Variants in PKHD1 observed in about 807,000 individuals in gnomAD.
The protein encoded by PKHD1 is fibrocystin.
PKHD1 carries 291 observed loss-of-function variants against 412.0 expected under a neutral mutation model. That is an observed-to-expected ratio of 0.71 (90% confidence interval 0.64 to 0.78). PKHD1 has a LOEUF of 0.78. Among genes scored for constraint, PKHD1 ranks in the 30% least tolerant of loss-of-function variants. The pLI is 0.00. For missense variants in PKHD1, 4,825 were observed against 4,950.7 expected, an observed-to-expected ratio of 0.97 and a Z score of 0.76; for synonymous variants, 1,777 against 1,821.5, an observed-to-expected ratio of 0.98 and a Z score of 0.62.
chr6:51,881,080 T>C (rs1165660905), intron 46 of PKHD1, among the ~76,000 whole-genome samples: 3 of 148,932 alleles, frequency 2.0e-5, no homozygotes, highest in Non-Finnish European at 4.5e-5. Context: ...TCTTTCTTTT[T>C]TTTTTTTTTT....
At chr6:51,727,229 C>T (rs1005039156) in intron 60 of PKHD1, among the ~76,000 whole-genome samples, 22 of 151,982 alleles carry the variant, frequency 1.4e-4, no homozygotes, top group Admixed American at 1.4e-3. Context: ...CTTCCAGTCT[C>T]GGGATAAAAT....
At chr6:51,814,080 G>A (rs1329824052) in intron 52 of PKHD1, among the ~76,000 whole-genome samples, 4 of 152,214 alleles carry the variant, frequency 2.6e-5, no homozygotes, top group African/African-American at 9.6e-5. Context: ...CCCTTTAGCA[G>A]TTTAAAAATC....
chr6:51,650,728 G>T (rs1241760330), intron 61 of PKHD1, among the ~76,000 whole-genome samples: 1 of 152,072 alleles, frequency 6.6e-6, no homozygotes, highest in Admixed American at 6.6e-5. Flanking sequence ...CAAACATGTG[G>T]TCCTAAGAAG....
intron 27 of PKHD1, among the ~76,000 whole-genome samples, chr6:52,039,300 C>A (rs1804446928): frequency 6.6e-6 from 1 of 151,566 alleles, no homozygotes. Flanking sequence ...ATTGTAATTC[C>A]CAATGTTGGG....
At position 51,688,406 on chromosome 6, in the gene PKHD1, AC is replaced by A. The variant is rs1234723322; in HGVS notation, c.10157-28438del. Reference sequence around the variant, plus strand: ...CATCTCAAGTTAACAACCTAATATCACAACTAAAACAACTAGAGAACCAAGA... The same window carrying A: ...CATCTCAAGTTAACAACCTAATATCAAACTAAAACAACTAGAGAACCAAGA... On this transcript the variant is annotated intron_variant, in intron 60 of 66. Transcript: ENST00000371117. Among the ~76,000 whole-genome samples, 11 of 152,210 alleles carry A rather than the reference AC, an allele frequency of 7.2e-5. No homozygotes were observed. The East Asian group carries it at 2.1e-3, about 29-fold the overall frequency.
chr6:51,761,399 A>T (rs187477456), intron 55 of PKHD1, among the ~76,000 whole-genome samples: 2 of 152,234 alleles, frequency 1.3e-5, no homozygotes, highest in Admixed American at 1.3e-4. Context: ...ACTAGAGAGT[A>T]GAATGCAGGT....
intron 35 of PKHD1, among the ~76,000 whole-genome samples, chr6:51,993,961 GA>G (rs998956499): frequency 5.3e-5 from 8 of 150,080 alleles, no homozygotes; most frequent in African/African-American, 9.8e-5. Context: ...TTGTATGGAA[GA>G]AAAAAAAATA....
At chr6:51,927,330 T>C (rs1461208684) in intron 37 of PKHD1, among the ~76,000 whole-genome samples, 2 of 152,106 alleles carry the variant, frequency 1.3e-5, no homozygotes, top group Non-Finnish European at 2.9e-5. Flanking sequence ...GATCAGGAGA[T>C]GATAAGCACC....
intron 60 of PKHD1, among the ~76,000 whole-genome samples, chr6:51,681,438 A>C (rs1437595827): frequency 1.3e-5 from 2 of 152,054 alleles, no homozygotes; most frequent in Non-Finnish European, 2.9e-5. Context: ...CACCTTGTAA[A>C]GTCTGTTTTT....
intron 37 of PKHD1, among the ~76,000 whole-genome samples, chr6:51,926,055 T>C (rs1785561475): frequency 6.8e-6 from 1 of 147,290 alleles, no homozygotes; most frequent in Non-Finnish European, 1.5e-5. Flanking sequence ...TACAAAAAAA[T>C]GTGAAAAGTA....
intron 52 of PKHD1, among the ~76,000 whole-genome samples, chr6:51,818,144 A>G (rs1765776574): frequency 6.6e-6 from 1 of 152,194 alleles, no homozygotes; most frequent in South Asian, 2.1e-4. Flanking sequence ...AGCAAGGACA[A>G]GCCATTAGAC....
At chr6:51,746,008 T>C (rs967369616) in intron 59 of PKHD1, among the ~76,000 whole-genome samples, 29 of 152,268 alleles carry the variant, frequency 1.9e-4, no homozygotes, top group African/African-American at 6.7e-4. Flanking sequence ...TTTGTTTTTT[T>C]TTCTTCCAAT....
At chr6:52,068,817 C>T (rs1810145504) in intron 11 of PKHD1, among the ~76,000 whole-genome samples, 1 of 152,194 alleles carries the variant, frequency 6.6e-6, no homozygotes, top group South Asian at 2.1e-4. Flanking sequence ...GAGTAAATGA[C>T]ATTTTCTCCA....
At chr6:51,939,378 T>C in intron 36 of PKHD1, among the ~76,000 whole-genome samples, 1 of 151,334 alleles carries the variant, frequency 6.6e-6, no homozygotes, top group Non-Finnish European at 1.5e-5. Flanking sequence ...ACTCTCTCTT[T>C]TCTCTTGGCT....
At chr6:51,797,272 G>T (rs9370056) in intron 52 of PKHD1, among the ~76,000 whole-genome samples, 89,361 of 151,562 alleles carry the variant, frequency 0.59, 26,965 homozygotes, top group East Asian at 0.83. Context: ...CAAGGTATAT[G>T]CCTTTGTTTT....
intron 34 of PKHD1, among the ~76,000 whole-genome samples, chr6:52,013,853 A>G (rs1800110398): frequency 6.6e-6 from 1 of 152,114 alleles, no homozygotes; most frequent in Non-Finnish European, 1.5e-5. Context: ...AGGGAAAACA[A>G]TTTGCAGGCA....
Position 51,928,882 on chromosome 6 carries a change from G to A in PKHD1, c.6121+5228C>T, listed in dbSNP as rs148146404. 3.3e-3 allele frequency among the ~76,000 whole-genome samples: 509 copies of A among 152,204 alleles called. 3 individuals carry two copies. Among genetic ancestry groups the A allele is most frequent in the Non-Finnish European group, 5.3e-3 (360 of 68,008 alleles). On this transcript the variant is annotated intron_variant, in intron 37 of 66. Transcript: ENST00000371117. ...GCCATTGTCTTTCTCTCCATCCTGC[G>A]TTTTGATTACAAGAATTCATAAATC...
At chr6:51,651,537 G>A (rs1770969612) in intron 61 of PKHD1, among the ~76,000 whole-genome samples, 1 of 152,068 alleles carries the variant, frequency 6.6e-6, no homozygotes, top group Admixed American at 6.6e-5. Context: ...TAAAAGCAAA[G>A]GAAAAGGGCA....
intron 43 of PKHD1, among the ~76,000 whole-genome samples, chr6:51,896,946 G>A (rs1454718933): frequency 1.3e-5 from 2 of 152,126 alleles, no homozygotes; most frequent in African/African-American, 4.8e-5. Context: ...AATGAAGCGA[G>A]AAGGGAAGTT....
Sources: gnomAD v4.1 joint callset for allele counts (sites outside exome capture counted in the v4.1 genomes callset) on GRCh38, gnomAD v4.1.1 for gene constraint, MANE v1.5 for transcripts, NCBI Gene and HGNC (gene_info 2026-07-23, HGNC 2026-07-21) for gene names.